The following SRPK2 variants were observed in gnomAD, a reference collection of about 807,000 sequenced individuals.
SRPK2 encodes SRSF protein kinase 2.
SRPK2 carries 21 observed loss-of-function variants against 90.8 expected under a neutral mutation model. That is an observed-to-expected ratio of 0.23 (90% CI 0.16 to 0.33). The LOEUF (loss-of-function observed/expected upper bound fraction) is 0.33. Among genes scored for constraint, SRPK2 ranks in the 10% least tolerant of loss-of-function variants. The pLI, the probability that SRPK2 is intolerant of heterozygous loss-of-function variation, is 1.00. For missense variants in SRPK2, 620 were observed against 869.0 expected (o/e 0.71, Z 3.60); for synonymous variants, 288 against 311.1 (o/e 0.93, Z 0.78).
chr7:105,249,840 A>G (rs944595340), intron 2 of SRPK2, among the ~76,000 whole-genome samples: 1 of 152,200 alleles, frequency 6.6e-6, no homozygotes, highest in African/African-American at 2.4e-5. Flanking sequence ...CCAAAACCTC[A>G]ACTATACTAA....
At chr7:105,205,755 C>T (rs1232599707) in intron 2 of SRPK2, among the ~76,000 whole-genome samples, 2 of 152,062 alleles carry the variant, frequency 1.3e-5, no homozygotes, top group East Asian at 3.8e-4. Flanking sequence ...TTGCCACTTC[C>T]CCAGCGGGAG....
At chr7:105,141,269 A>G (rs999015841) in intron 11 of SRPK2, among the ~76,000 whole-genome samples, 2 of 152,176 alleles carry the variant, frequency 1.3e-5, no homozygotes, top group Non-Finnish European at 2.9e-5. Flanking sequence ...TGGCTCATCA[A>G]TTTTACTCGC....
rs1464437240 is a variant in SRPK2 at position 105,127,046 on chromosome 7, G to A, written c.1769C>T (p.Thr590Met). ...ATGTGGTTCAAACAAATAATCTCCCGTTGCCAGCTCAAATGCCTAGGATAC... is the reference window on the plus strand; with the variant it reads ...ATGTGGTTCAAACAAATAATCTCCCATTGCCAGCTCAAATGCCTAGGATAC... The part of the protein sequence containing the change: ...STACMAFELA[T>M]GDYLFEPHSG... Residue 590 changes from threonine to methionine, a missense_variant, in exon 14 of 16, where the codon ACG (threonine) becomes ATG (methionine). This residue lies in a region of SRPK2 where 0 missense variants were observed against 19.1 expected (regional missense o/e 0.00). Transcript: ENST00000393651. The A allele has an allele frequency of 6.2e-7, 1 of 1,613,972 alleles. No individual in the cohort carries two copies. Among genetic ancestry groups the A allele is most frequent in the Non-Finnish European group, 8.5e-7 (1 of 1,180,004 alleles).
intron 2 of SRPK2, among the ~76,000 whole-genome samples, chr7:105,325,638 G>C (rs757046302): frequency 1.3e-5 from 2 of 149,916 alleles, no homozygotes; most frequent in Non-Finnish European, 2.9e-5. Context: ...CAGGAGGATC[G>C]CTCCAGCCCA....
At chr7:105,358,571 A>C (rs961906367) in intron 2 of SRPK2, among the ~76,000 whole-genome samples, 3 of 151,810 alleles carry the variant, frequency 2.0e-5, no homozygotes, top group Admixed American at 2.0e-4. Flanking sequence ...CTGCCGTGTC[A>C]GTTACTTGGG....
At chr7:105,394,011 C>A (rs149324752), upstream of SRPK2, among the ~76,000 whole-genome samples, 1 of 152,112 alleles carries the variant, frequency 6.6e-6, no homozygotes, top group African/African-American at 2.4e-5. Context: ...TCCAACTTTC[C>A]CCTGCACTAG....
intron 2 of SRPK2, among the ~76,000 whole-genome samples, chr7:105,376,251 C>T (rs1039708279): frequency 6.6e-6 from 1 of 151,766 alleles, no homozygotes; most frequent in Non-Finnish European, 1.5e-5. Flanking sequence ...CCCGCCTTGG[C>T]CTCCCAAAGT....
At chr7:105,226,001 A>T (rs1798659034) in intron 2 of SRPK2, among the ~76,000 whole-genome samples, 1 of 152,220 alleles carries the variant, frequency 6.6e-6, no homozygotes. Flanking sequence ...CTACTGAACA[A>T]TGCTGCTTAG....
chr7:105,254,262 A>T (rs574733016), intron 2 of SRPK2, among the ~76,000 whole-genome samples: 1 of 152,252 alleles, frequency 6.6e-6, no homozygotes, highest in Admixed American at 6.5e-5. Context: ...TAGTAAGTCA[A>T]CACTATCTGG....
chr7:105,388,132 A>T (rs866536994), intron 2 of SRPK2, among the ~76,000 whole-genome samples: 2 of 152,080 alleles, frequency 1.3e-5, no homozygotes, highest in Non-Finnish European at 2.9e-5. Flanking sequence ...TTCTCAGCAG[A>T]AAGGCCGACA....
chr7:105,354,791 G>A (rs1042221734), intron 2 of SRPK2, among the ~76,000 whole-genome samples: 5 of 152,106 alleles, frequency 3.3e-5, no homozygotes, highest in African/African-American at 1.2e-4. Flanking sequence ...ACAACTTAAT[G>A]ACTTCAGTAT....
intron 2 of SRPK2, among the ~76,000 whole-genome samples, chr7:105,325,542 T>TTC (rs1476803335): frequency 7.6e-6 from 1 of 130,742 alleles, no homozygotes; most frequent in Non-Finnish European, 1.6e-5. Context: ...TTCCCCTAGT[T>TTC]TCTCAAGGCA....
At chr7:105,219,292 A>G (rs1797827709) in intron 2 of SRPK2, among the ~76,000 whole-genome samples, 1 of 152,140 alleles carries the variant, frequency 6.6e-6, no homozygotes, top group African/African-American at 2.4e-5. Flanking sequence ...TTAGAATCAG[A>G]CCAGGATCTT....
intron 2 of SRPK2, among the ~76,000 whole-genome samples, chr7:105,292,945 A>C (rs937937532): frequency 5.3e-5 from 8 of 152,118 alleles, no homozygotes; most frequent in African/African-American, 4.8e-5. Flanking sequence ...TTCTTTCCCA[A>C]GTGATTAGCT....
intron 1 of SRPK2, among the ~76,000 whole-genome samples, chr7:105,394,872 T>A (rs1822277784): frequency 6.6e-6 from 1 of 152,118 alleles, no homozygotes; most frequent in Non-Finnish European, 1.5e-5. Flanking sequence ...CATTTTTATT[T>A]AAAAACAAAA....
At chr7:105,297,352 T>C in intron 2 of SRPK2, 1 of 502,750 alleles carries the variant, frequency 2.0e-6, no homozygotes, top group Non-Finnish European at 2.6e-6. Flanking sequence ...ATCACAGTGA[T>C]CACAAGTGCT....
intron 2 of SRPK2, among the ~76,000 whole-genome samples, chr7:105,284,559 TATATC>T (rs939644641): frequency 6.6e-6 from 1 of 152,184 alleles, no homozygotes; most frequent in African/African-American, 2.4e-5. Context: ...TAAAAAATCT[TATATC>T]ATGCTGGGGG....
chr7:105,272,133 A>T (rs540664612), intron 2 of SRPK2, among the ~76,000 whole-genome samples: 2 of 152,316 alleles, frequency 1.3e-5, no homozygotes, highest in East Asian at 3.9e-4. Context: ...CAATTCTAAA[A>T]TGACTCTCTT....
intron 3 of SRPK2, among the ~76,000 whole-genome samples, chr7:105,171,297 C>T (rs1396359365): frequency 6.6e-6 from 1 of 152,166 alleles, no homozygotes; most frequent in Non-Finnish European, 1.5e-5. Context: ...TAGGAATGGA[C>T]ATTCCTGGGT....
Sources: allele counts gnomAD v4.1 joint callset (sites outside exome capture counted in the v4.1 genomes callset), GRCh38; gene constraint gnomAD v4.1.1; regional missense constraint gnomAD v4.1.1; transcripts MANE v1.5; gene names NCBI Gene and HGNC (gene_info 2026-07-23, HGNC 2026-07-21).